Variants in CCDC91 observed in about 807,000 individuals in gnomAD.
CCDC91 encodes coiled-coil domain containing 91.
Under a neutral mutation model 63.2 loss-of-function variants are expected in CCDC91, and 48 were observed. The ratio of observed to expected loss-of-function variants is 0.76; its 90% CI spans 0.60 to 0.97. The LOEUF (loss-of-function observed/expected upper bound fraction) is 0.97. Among genes scored for constraint, CCDC91 ranks in the 50% least tolerant of loss-of-function variants. The probability of loss-of-function intolerance (pLI) is 0.00; values close to 1 mark genes in which losing one functional copy is unlikely to be tolerated. For missense variants in CCDC91, 500 were observed against 494.6 expected, an observed-to-expected ratio of 1.01 and a Z score of -0.10; for synonymous variants, 167 against 165.8, an observed-to-expected ratio of 1.01 and a Z score of -0.06.
intron 6 of CCDC91, among the ~76,000 whole-genome samples, chr12:28,345,311 T>G (rs1942729373): frequency 6.6e-6 from 1 of 152,068 alleles, no homozygotes; most frequent in Non-Finnish European, 1.5e-5. Context: ...TTATCATACT[T>G]TTTCACTTAA....
chr12:28,379,465 A>C (rs533486933), intron 7 of CCDC91, among the ~76,000 whole-genome samples: 23 of 151,832 alleles, frequency 1.5e-4, no homozygotes, highest in Non-Finnish European at 2.9e-4. Flanking sequence ...AAAAAAAAAA[A>C]AAAACCATAA....
chr12:28,252,213 T>A (rs559343051), intron 1 of CCDC91, among the ~76,000 whole-genome samples: 2 of 152,260 alleles, frequency 1.3e-5, no homozygotes, highest in Non-Finnish European at 2.9e-5. Flanking sequence ...GCTTGTAGGA[T>A]CTTCCCTTTG....
intron 1 of CCDC91, among the ~76,000 whole-genome samples, chr12:28,196,078 C>A (rs747900501): frequency 5.9e-5 from 9 of 152,152 alleles, no homozygotes; most frequent in Non-Finnish European, 1.3e-4. Flanking sequence ...GCACTCTAGC[C>A]TCTGCAACAG....
intron 12 of CCDC91, among the ~76,000 whole-genome samples, chr12:28,534,400 A>G (rs994745840): frequency 5.3e-5 from 8 of 152,176 alleles, no homozygotes; most frequent in African/African-American, 1.9e-4. Flanking sequence ...TTTCCAATAT[A>G]AGGAACCTTG....
chr12:28,320,530 G>A lies in CCDC91; in HGVS notation c.576+12781G>A, dbSNP rs142900464. ...TACAATCTCTAAGGATGTATTTACT[G>A]TATTTCCCACTTATCTGAGGTCAGA... On this transcript the variant is annotated intron_variant, in intron 6 of 12. Coordinates refer to ENST00000536442, the MANE Select transcript of CCDC91 (RefSeq NM_018318.5). Among the ~76,000 whole-genome samples the A allele has an allele frequency of 4.5e-3, 688 of 151,934 alleles. 19 individuals are homozygous for A. Among genetic ancestry groups the A allele is most frequent in the Admixed American group, 0.043 (649 of 15,194 alleles).
intron 6 of CCDC91, among the ~76,000 whole-genome samples, chr12:28,353,573 C>T (rs1600138): frequency 0.9 from 137,283 of 152,168 alleles, 63,478 homozygotes; most frequent in East Asian, 1. Context: ...ATTGGCCTGA[C>T]TTCAATATTA....
intron 12 of CCDC91, among the ~76,000 whole-genome samples, chr12:28,526,344 A>G (rs969288974): frequency 1.3e-5 from 2 of 152,098 alleles, no homozygotes; most frequent in African/African-American, 4.8e-5. Context: ...AAAAGACTGT[A>G]TCTTTCCTTC....
intron 12 of CCDC91, among the ~76,000 whole-genome samples, chr12:28,546,047 G>A (rs1942968111): frequency 6.6e-6 from 1 of 152,036 alleles, no homozygotes; most frequent in South Asian, 2.1e-4. Context: ...TATGTTATAT[G>A]TACACAAGTT....
chr12:28,327,156 A>T (rs1941087822), intron 6 of CCDC91, among the ~76,000 whole-genome samples: 1 of 142,940 alleles, frequency 7.0e-6, no homozygotes, highest in Non-Finnish European at 1.6e-5. Flanking sequence ...ATTTAGGCAG[A>T]TAGAGGGAGG....
intron 6 of CCDC91, among the ~76,000 whole-genome samples, chr12:28,320,760 A>G (rs1940413847): frequency 6.6e-6 from 1 of 151,918 alleles, no homozygotes; most frequent in South Asian, 2.1e-4. Context: ...GAAGGAGAAG[A>G]CATATTCAGA....
chr12:28,233,202 C>A (rs1332096279), intron 1 of CCDC91, among the ~76,000 whole-genome samples: 3 of 152,026 alleles, frequency 2.0e-5, no homozygotes, highest in African/African-American at 7.2e-5. Context: ...ATTTCGATCT[C>A]CTCAGAGAAT....
At chr12:28,219,206 G>A (rs1943767322) in intron 1 of CCDC91, among the ~76,000 whole-genome samples, 1 of 152,014 alleles carries the variant, frequency 6.6e-6, no homozygotes, top group Non-Finnish European at 1.5e-5. Context: ...TAATGATGTT[G>A]TACGTCTTTT....
intron 12 of CCDC91, among the ~76,000 whole-genome samples, chr12:28,510,929 C>T (rs2141275432): frequency 6.6e-6 from 1 of 151,958 alleles, no homozygotes; most frequent in South Asian, 2.1e-4. Context: ...ACATTTGCTC[C>T]TTCACAAGAC....
intron 6 of CCDC91, among the ~76,000 whole-genome samples, chr12:28,352,251 G>A (rs1228020597): frequency 3.3e-5 from 5 of 152,162 alleles, no homozygotes; most frequent in Non-Finnish European, 7.3e-5. Context: ...TGATAAGGGT[G>A]GTGGTTGCTG....
chr12:28,260,938 G>A (rs1426313153), intron 3 of CCDC91, among the ~76,000 whole-genome samples: 3 of 151,982 alleles, frequency 2.0e-5, no homozygotes, highest in Non-Finnish European at 4.4e-5. Context: ...TCTTTCCATT[G>A]TGTGGATGAC....
rs116807382 is a variant in CCDC91, at chr12:28,299,757, A to C, written c.110-5892A>C. Among the ~76,000 whole-genome samples, 1,102 of 151,620 alleles carry C rather than the reference A, an allele frequency of 7.3e-3. 18 individuals are homozygous for C. The highest frequency in any genetic ancestry group is 0.025 in the African/African-American group (1,057 of 41,490). ...TAGATGTATGTATCTTTGTCTTTTCATATATTTAAGGGCCTTTTGTATATT... is the reference window on the plus strand; with the variant it reads ...TAGATGTATGTATCTTTGTCTTTTCCTATATTTAAGGGCCTTTTGTATATT... On this transcript the variant is annotated intron_variant, in intron 3 of 12. Coordinates refer to ENST00000536442, the MANE Select transcript of CCDC91 (RefSeq NM_018318.5).
intron 6 of CCDC91, among the ~76,000 whole-genome samples, chr12:28,357,232 A>G (rs1186891067): frequency 3.9e-5 from 6 of 152,144 alleles, no homozygotes; most frequent in African/African-American, 1.4e-4. Flanking sequence ...TGTCTCTATT[A>G]AAAAATTTCT....
At chr12:28,472,037 C>T (rs1950845910) in intron 11 of CCDC91, among the ~76,000 whole-genome samples, 1 of 152,198 alleles carries the variant, frequency 6.6e-6, no homozygotes, top group Non-Finnish European at 1.5e-5. Flanking sequence ...AGGCATGAGC[C>T]ACCACGCCCG....
chr12:28,214,954 A>T (rs573658509), intron 1 of CCDC91, among the ~76,000 whole-genome samples: 1 of 152,202 alleles, frequency 6.6e-6, no homozygotes, highest in Non-Finnish European at 1.5e-5. Context: ...TTGATTAAAC[A>T]TTATTCTAGG....
Sources: gnomAD v4.1 joint callset for allele counts (sites outside exome capture counted in the v4.1 genomes callset) on GRCh38, gnomAD v4.1.1 for gene constraint, MANE v1.5 for transcripts, NCBI Gene and HGNC (gene_info 2026-07-23, HGNC 2026-07-21) for gene names.